Variants in FAM20B observed in about 807,000 individuals in gnomAD.
The protein encoded by FAM20B is FAM20B glycosaminoglycan xylosylkinase.
A neutral mutation model predicts 43.8 loss-of-function variants in FAM20B; 23 were observed. That is an observed-to-expected ratio of 0.53 (90% CI 0.38 to 0.74). The LOEUF (loss-of-function observed/expected upper bound fraction) is 0.74. FAM20B is among the 30% of genes least tolerant of loss of function. The pLI, the probability that FAM20B is intolerant of heterozygous loss-of-function variation, is 0.00. For synonymous variants in FAM20B, 178 were observed against 192.4 expected (o/e 0.93, Z 0.62); for missense variants, 440 against 510.5 (o/e 0.86, Z 1.33).
At chr1:179,039,013 T>C (rs755326441) in intron 1 of FAM20B, among the ~76,000 whole-genome samples, 2 of 152,244 alleles carry the variant, frequency 1.3e-5, no homozygotes, top group Non-Finnish European at 2.9e-5. Context: ...CTTTTGATTG[T>C]TTCCAGTTGT....
intron 2 of FAM20B, among the ~76,000 whole-genome samples, chr1:179,049,435 C>T (rs1283525378): frequency 6.6e-6 from 1 of 152,118 alleles, no homozygotes; most frequent in East Asian, 1.9e-4. Context: ...CAACTTTTTT[C>T]AAAAGCGCTG....
chr1:179,068,875 C>A (rs1291071327), intron 7 of FAM20B, among the ~76,000 whole-genome samples: 3 of 152,186 alleles, frequency 2.0e-5, no homozygotes, highest in African/African-American at 7.2e-5. Flanking sequence ...TTTAGCTCAG[C>A]CCACCAGATA....
At chr1:179,069,917 C>T (rs1651843323) in intron 7 of FAM20B, among the ~76,000 whole-genome samples, 1 of 152,158 alleles carries the variant, frequency 6.6e-6, no homozygotes, top group African/African-American at 2.4e-5. Context: ...CCCAGTAATT[C>T]CTCCTTTACC....
intron 2 of FAM20B, among the ~76,000 whole-genome samples, chr1:179,048,028 A>G (rs147129294): frequency 7.9e-5 from 12 of 152,272 alleles, no homozygotes; most frequent in African/African-American, 2.6e-4. Context: ...GGTAGATGAT[A>G]TATATGGGAA....
At chr1:179,028,319 T>TATGCCTGTAATCCCAGCACTTTGG (rs1384094467) in intron 1 of FAM20B, among the ~76,000 whole-genome samples, 1 of 152,176 alleles carries the variant, frequency 6.6e-6, no homozygotes, top group Non-Finnish European at 1.5e-5. Context: ...CGCGGTGGCT[T>TATGCCTGTAATCCCAGCACTTTGG]ATGCCTGTAA....
In FAM20B at chr1:179,050,327, T is replaced by C; in HGVS notation, c.426T>C (p.Asp142=). The change falls in exon 3 of 8, where the codon GAT becomes GAC. Residue 142 remains aspartate, a synonymous_variant. Coordinates refer to ENST00000263733, the MANE Select transcript of FAM20B (RefSeq NM_014864.4). The stretch of plus-strand genomic sequence containing the variant: ...AAGGGGAACCGTATGCTGGTTATGA[T>C]AGACACAATGCAGAGGTAGCAGCCT... ...VVEGEPYAGY[D]RHNAEVAAFH... 1 of 1,614,040 alleles carries C rather than the reference T, an allele frequency of 6.2e-7. No homozygotes were observed. The highest frequency in any genetic ancestry group is 8.5e-7 in the Non-Finnish European group (1 of 1,179,886).
In FAM20B at chr1:179,032,313, CTTTTT is replaced by C. The variant is rs547439601; in HGVS notation, c.-134+6237_-134+6241del. Among the ~76,000 whole-genome samples the C allele has an allele frequency of 8.0e-5, 9 of 111,930 alleles. 1 individual carries two copies. The highest frequency in any genetic ancestry group is 9.9e-5 in the Admixed American group (1 of 10,056). The allele number at this position is 111,930 out of a possible 152,430, so 73.4% of individuals were successfully genotyped here. ...GCACAACACATGTAGAGGTCTCATT[CTTTTT>C]TTTTTTTTTTTTTTTTTTTTTGAGA... is the stretch of plus-strand genomic sequence containing the variant. On this transcript the variant is annotated intron_variant, in intron 1 of 7. Transcript: ENST00000263733.
At chr1:179,045,914 A>G (rs777268879) in intron 2 of FAM20B, among the ~76,000 whole-genome samples, 2 of 151,884 alleles carry the variant, frequency 1.3e-5, no homozygotes, top group South Asian at 2.1e-4. Flanking sequence ...CCAAAAAACA[A>G]AAAAAAACCG....
At chr1:179,035,765 G>A (rs192593099) in intron 1 of FAM20B, 74 of 282,162 alleles carry the variant, frequency 2.6e-4, no homozygotes, top group African/African-American at 1.6e-3. Flanking sequence ...ATAGTCTTAC[G>A]TTTGCCCTTA....
chr1:179,067,105 A>T (rs1289851189), intron 7 of FAM20B, among the ~76,000 whole-genome samples: 2 of 151,838 alleles, frequency 1.3e-5, no homozygotes, highest in African/African-American at 4.8e-5. Context: ...ACAGTAATAC[A>T]TGTTTGGTTT....
chr1:179,043,842 G>C lies in FAM20B; in HGVS notation c.-6G>C. On this transcript the variant is annotated 5_prime_UTR_variant, in exon 2 of 8. Coordinates refer to ENST00000263733, the MANE Select transcript of FAM20B (RefSeq NM_014864.4). The stretch of plus-strand genomic sequence containing the variant: ...GTGGGTCAGGGGAGAAGGAAAAGAG[G>C]TCAACATGAAGCTAAAGCAGCGAGT... 1 of 1,582,412 alleles carries C rather than the reference G, an allele frequency of 6.3e-7. No homozygotes were observed. Among genetic ancestry groups the C allele is most frequent in the East Asian group, 2.3e-5 (1 of 44,380 alleles).
intron 1 of FAM20B, among the ~76,000 whole-genome samples, chr1:179,042,241 G>A (rs1381591400): frequency 2.6e-5 from 4 of 152,244 alleles, no homozygotes; most frequent in African/African-American, 7.2e-5. Context: ...AGAGCAGCAA[G>A]GGGTGTGTGG....
At chr1:179,051,891 G>A (rs1344481858) in intron 3 of FAM20B, among the ~76,000 whole-genome samples, 1 of 151,840 alleles carries the variant, frequency 6.6e-6, no homozygotes, top group Non-Finnish European at 1.5e-5. Context: ...GAGGTGATCC[G>A]CCCACCTCAG....
chr1:179,059,939 T>C (rs1157117513), intron 4 of FAM20B, among the ~76,000 whole-genome samples: 1 of 150,226 alleles, frequency 6.7e-6, no homozygotes, highest in East Asian at 2.0e-4. Context: ...GCCACTGCAC[T>C]CCAGCCTGGG....
intron 7 of FAM20B, among the ~76,000 whole-genome samples, chr1:179,068,979 A>G (rs577626349): frequency 1.3e-5 from 2 of 152,356 alleles, no homozygotes; most frequent in East Asian, 1.9e-4. Context: ...AGCTGGTGTC[A>G]TGACATGCAG....
chr1:179,031,316 A>G (rs373835135), intron 1 of FAM20B, among the ~76,000 whole-genome samples: 33 of 152,328 alleles, frequency 2.2e-4, no homozygotes, highest in East Asian at 1.7e-3. Context: ...GGAAAATGCA[A>G]ATTGTTACTC....
Position 179,044,070 on chromosome 1 carries a change from GA to G in FAM20B, c.225del (p.Val76CysfsTer33). 1 of 1,614,114 alleles carries G rather than the reference GA, an allele frequency of 6.2e-7. No individual in the cohort carries two copies. Among genetic ancestry groups the G allele is most frequent in the Non-Finnish European group, 8.5e-7 (1 of 1,180,018 alleles). ...EIAAQWVVPR[E>X]VYPEETPELG... ...TGCAGCCCAGTGGGTGGTTCCCCGGGAAGTGTACCCTGAAGAGACACCAGAG... is the reference window on the plus strand; with the variant it reads ...TGCAGCCCAGTGGGTGGTTCCCCGGGAGTGTACCCTGAAGAGACACCAGAG... On this transcript the variant is annotated frameshift_variant, in exon 2 of 8. Transcript: ENST00000263733. LOFTEE classifies it high-confidence loss of function.
chr1:179,063,451 G>A (rs1202236217), intron 4 of FAM20B, among the ~76,000 whole-genome samples: 1 of 152,092 alleles, frequency 6.6e-6, no homozygotes. Flanking sequence ...AGCTGGGCAT[G>A]GAGGCATATA....
intron 7 of FAM20B, among the ~76,000 whole-genome samples, chr1:179,071,531 T>C (rs1214307296): frequency 6.6e-6 from 1 of 152,178 alleles, no homozygotes; most frequent in Non-Finnish European, 1.5e-5. Flanking sequence ...CCCAGCATCA[T>C]ATCATAGGCA....
Sources: gnomAD v4.1 joint callset for allele counts (sites outside exome capture counted in the v4.1 genomes callset) on GRCh38, gnomAD v4.1.1 for gene constraint, MANE v1.5 for transcripts, NCBI Gene and HGNC (gene_info 2026-07-23, HGNC 2026-07-21) for gene names.